USP40: variants seen among roughly 807,000 people sequenced by gnomAD.
USP40 encodes ubiquitin specific peptidase 40.
A neutral mutation model predicts 166.2 loss-of-function variants in USP40; 143 were observed. That is an observed-to-expected ratio of 0.86 (90% CI 0.75 to 0.99). The LOEUF (loss-of-function observed/expected upper bound fraction) is 0.99. Ranked by LOEUF, USP40 falls within the 50% of genes least tolerant of loss-of-function variation. The pLI, the probability that USP40 is intolerant of heterozygous loss-of-function variation, is 0.00. For synonymous variants in USP40, 498 were observed against 524.0 expected (o/e 0.95, Z 0.68); for missense variants, 1,444 against 1,479.7 (o/e 0.98, Z 0.40).
At chr2:233,513,468 G>T (rs2066968319) in intron 18 of USP40, among the ~76,000 whole-genome samples, 1 of 152,138 alleles carries the variant, frequency 6.6e-6, no homozygotes, top group African/African-American at 2.4e-5. Context: ...TGAAGTCAAT[G>T]GTTACTGCTT....
intron 21 of USP40, among the ~76,000 whole-genome samples, chr2:233,505,208 G>A (rs2066336410): frequency 6.6e-6 from 1 of 151,916 alleles, no homozygotes; most frequent in Non-Finnish European, 1.5e-5. Flanking sequence ...TAAGAGGGAA[G>A]TTCACAGCAA....
intron 2 of USP40, among the ~76,000 whole-genome samples, chr2:233,564,406 T>C (rs1462374023): frequency 6.6e-6 from 1 of 152,126 alleles, no homozygotes; most frequent in Non-Finnish European, 1.5e-5. Context: ...ATGTTCACAC[T>C]GAGCTCACGG....
At chr2:233,548,407 G>A (rs2070200473) in intron 8 of USP40, among the ~76,000 whole-genome samples, 2 of 152,150 alleles carry the variant, frequency 1.3e-5, no homozygotes, top group Admixed American at 1.3e-4. Context: ...TTAATATTGT[G>A]TGTTATCTAA....
At chr2:233,530,554 T>C (rs115255491) in intron 11 of USP40, among the ~76,000 whole-genome samples, 5 of 152,308 alleles carry the variant, frequency 3.3e-5, no homozygotes, top group Non-Finnish European at 7.3e-5. Context: ...TAAATACACA[T>C]ACTCAAACTG....
intron 10 of USP40, among the ~76,000 whole-genome samples, chr2:233,537,766 G>C (rs775757004): frequency 3.9e-5 from 6 of 152,072 alleles, no homozygotes; most frequent in Non-Finnish European, 8.8e-5. Context: ...GACAAAATCT[G>C]AAAGCATTTT....
intron 11 of USP40, among the ~76,000 whole-genome samples, chr2:233,533,180 C>A (rs982228275): frequency 6.6e-6 from 1 of 152,072 alleles, no homozygotes; most frequent in Non-Finnish European, 1.5e-5. Flanking sequence ...ATATGGCAAT[C>A]GCACTCAAGT....
chr2:233,565,450 T>C lies in USP40; in HGVS notation c.105A>G (p.Arg35=), dbSNP rs1280839070. The C allele has an allele frequency of 6.5e-7, 1 of 1,537,322 alleles. No individual in the cohort carries two copies. Among genetic ancestry groups the C allele is most frequent in the Admixed American group, 2.0e-5 (1 of 50,992 alleles). ...TGATTCCGCTTAAATTGGTGAATTCTCTAGGAGCAGGTGGCTCCAAAGCTT... is the reference window on the plus strand; with the variant it reads ...TGATTCCGCTTAAATTGGTGAATTCCCTAGGAGCAGGTGGCTCCAAAGCTT... ...KTKALEPPAP[R]EFTNLSGIRN... is the part of the protein sequence containing the mutation. Residue 35 remains arginine (R), a synonymous_variant, in exon 2 of 32, where the codon AGA becomes AGG. Transcript: ENST00000678225.
chr2:233,551,637 A>AG (rs1426460149), intron 6 of USP40, 118 bp from the exon 7 acceptor site: 1 of 975,068 alleles, frequency 1.0e-6, no homozygotes, highest in Non-Finnish European at 1.5e-6. Context: ...AATATTACAT[A>AG]AACTCATTAC....
chr2:233,511,945 C>T (rs191627360), intron 19 of USP40, 148 bp from the exon 20 acceptor site: 65 of 605,362 alleles, frequency 1.1e-4, no homozygotes, highest in East Asian at 9.5e-4. Flanking sequence ...ATTACATGCA[C>T]TAAGATTAGG....
chr2:233,532,692 A>G (rs189018915), intron 11 of USP40, among the ~76,000 whole-genome samples: 9 of 152,302 alleles, frequency 5.9e-5, no homozygotes, highest in East Asian at 1.9e-4. Context: ...CGATGACACC[A>G]GCATTTTGGG....
chr2:233,534,804 G>A (rs1216136952), intron 10 of USP40, among the ~76,000 whole-genome samples: 3 of 151,932 alleles, frequency 2.0e-5, no homozygotes, highest in Non-Finnish European at 4.4e-5. Flanking sequence ...TTTCTATATA[G>A]CCACGTTTTT....
At position 233,476,902 on chromosome 2, in the gene USP40, A is replaced by G. The variant is rs74598940; in HGVS notation, c.*490T>C. ...AAATGAAGTCCTGAAAGCAGACCCC[A>G]CTTCTGCCCGCTTCTGCTCAGCACC... On this transcript the variant is annotated 3_prime_UTR_variant, in exon 32 of 32. Coordinates refer to ENST00000678225, the MANE Select transcript of USP40 (RefSeq NM_001365479.2). The G allele has an allele frequency of 0.042, 8,896 of 213,730 alleles. 639 individuals carry two copies. Among genetic ancestry groups the G allele is most frequent in the African/African-American group, 0.17 (7,038 of 42,612 alleles). The allele number at this position is 213,730 out of a possible 1,614,324, so 13.2% of individuals were successfully genotyped here. A position where few individuals can be genotyped will look rare whatever the true frequency, so the allele number is the denominator to read the frequency against.
At chr2:233,517,432 TGGAGA>T (rs1222640688) in intron 18 of USP40, among the ~76,000 whole-genome samples, 2 of 140,166 alleles carry the variant, frequency 1.4e-5, no homozygotes, top group African/African-American at 5.3e-5. Context: ...TCACCCAGGC[TGGAGA>T]GCAGTGGCGC....
intron 12 of USP40, 132 bp from the exon 13 acceptor site, chr2:233,527,710 C>T (rs2068138766): frequency 2.6e-6 from 2 of 768,248 alleles, no homozygotes; most frequent in Admixed American, 6.9e-5. Context: ...CTTCTATGTG[C>T]CACAATTAGT....
chr2:233,548,700 G>A (rs1408083189), intron 8 of USP40, among the ~76,000 whole-genome samples: 2 of 152,094 alleles, frequency 1.3e-5, no homozygotes, highest in East Asian at 1.9e-4. Context: ...CAATGCTCAC[G>A]TAAGATAACA....
intron 16 of USP40, among the ~76,000 whole-genome samples, chr2:233,522,789 CATA>C (rs1174218242): frequency 1.2e-4 from 19 of 152,160 alleles, no homozygotes; most frequent in African/African-American, 4.3e-4. Flanking sequence ...ACAATTTAGC[CATA>C]ATGTTAATAC....
chr2:233,503,350 G>C (rs145745114), intron 21 of USP40, among the ~76,000 whole-genome samples: 2 of 152,068 alleles, frequency 1.3e-5, no homozygotes, highest in Non-Finnish European at 2.9e-5. Context: ...AAGACACAGC[G>C]TATCTATTTA....
At chr2:233,548,108 T>C (rs564956914) in intron 8 of USP40, among the ~76,000 whole-genome samples, 8 of 152,174 alleles carry the variant, frequency 5.3e-5, no homozygotes, top group South Asian at 2.1e-4. Context: ...GCATAGTACA[T>C]TGGTAGAGAA....
intron 20 of USP40, among the ~76,000 whole-genome samples, chr2:233,510,558 A>C (rs1325938812): frequency 2.7e-5 from 4 of 150,716 alleles, no homozygotes; most frequent in African/African-American, 9.8e-5. Flanking sequence ...GCATGCCACT[A>C]CGCCTGGCTA....
Sources: gnomAD v4.1 joint callset for allele counts (sites outside exome capture counted in the v4.1 genomes callset) on GRCh38, gnomAD v4.1.1 for gene constraint, MANE v1.5 for transcripts, NCBI Gene and HGNC (gene_info 2026-07-23, HGNC 2026-07-21) for gene names.